CRB1: variants seen among roughly 807,000 people sequenced by gnomAD.
The protein encoded by CRB1 is protein crumbs homolog 1.
A neutral mutation model predicts 120.0 loss-of-function variants in CRB1; 83 were observed. The observed-to-expected ratio is 0.69, with a 90% CI of 0.58 to 0.83. The LOEUF is 0.83. CRB1 is among the 40% of genes least tolerant of loss of function. CRB1 has a pLI of 0.00. For synonymous variants in CRB1, 625 were observed against 612.5 expected (o/e 1.02, Z -0.30); for missense variants, 1,699 against 1,687.6 (o/e 1.01, Z -0.12).
At chr1:197,455,336 T>G (rs1666219498) in intron 11 of CRB1, among the ~76,000 whole-genome samples, 1 of 152,148 alleles carries the variant, frequency 6.6e-6, no homozygotes, top group African/African-American at 2.4e-5. Flanking sequence ...TTACCAATTT[T>G]CTTGAATTAT....
At chr1:197,261,805 A>T in the CRB1 span, among the ~76,000 whole-genome samples, 1 of 152,196 alleles carries the variant, frequency 6.6e-6, no homozygotes, top group Non-Finnish European at 1.5e-5. Flanking sequence ...TTGGGTGTGA[A>T]TCTGAACAGC....
intron 11 of CRB1, chr1:197,447,370 A>G (rs999372790): frequency 1.3e-5 from 2 of 152,218 alleles, no homozygotes; most frequent in African/African-American, 4.8e-5. Context: ...GATGGATGTT[A>G]CCATTTTATA....
chr1:197,290,305 T>TGTGTGTGTGTG (rs1571775751), intron 1 of CRB1, among the ~76,000 whole-genome samples: 12 of 149,352 alleles, frequency 8.0e-5, no homozygotes, highest in African/African-American at 2.2e-4. Context: ...TGTGTGTGTG[T>TGTGTGTGTGTG]TTGAAGAGAA....
At chr1:197,462,233 ACTGTATTACCATC>A (rs1392869171) in intron 11 of CRB1, among the ~76,000 whole-genome samples, 1 of 152,164 alleles carries the variant, frequency 6.6e-6, no homozygotes, top group Non-Finnish European at 1.5e-5. Context: ...TTTATGGATG[ACTGTATTACCATC>A]CTCATCAATT....
chr1:197,303,320 C>T (rs2125257673), intron 1 of CRB1, among the ~76,000 whole-genome samples: 1 of 119,886 alleles, frequency 8.3e-6, no homozygotes. Flanking sequence ...GTGTGATGTT[C>T]CCCTTCCTGT....
chr1:197,325,021 A>G (rs1353305899), intron 1 of CRB1, among the ~76,000 whole-genome samples: 3 of 152,212 alleles, frequency 2.0e-5, no homozygotes, highest in African/African-American at 7.2e-5. Flanking sequence ...TTAACCAATC[A>G]TTTGTTCTGC....
At chr1:197,247,751 GAATAGCTAGCATCT>G in the CRB1 span, among the ~76,000 whole-genome samples, 1 of 152,000 alleles carries the variant, frequency 6.6e-6, no homozygotes, top group Non-Finnish European at 1.5e-5. Context: ...TTCCCCCAGA[GAATAGCTAGCATCT>G]TATCTGAATC....
rs1013396657 is a variant in CRB1, at chr1:197,356,853, G to A, written c.1011G>A (p.Glu337=). Residue 337 remains glutamate, a synonymous_variant, in exon 5 of 12, where the codon GAG becomes GAA. Coordinates refer to ENST00000367400, the MANE Select transcript of CRB1 (RefSeq NM_201253.3). The part of the protein sequence containing the change: ...CWPGYTGAQC[E]IDLNECNSNP... The stretch of plus-strand genomic sequence containing the variant: ...CAGGATACACAGGTGCCCAGTGTGA[G>A]ATCGACCTCAATGAATGCAATAGTA... The A allele has an allele frequency of 6.2e-7, 1 of 1,614,214 alleles. No homozygotes were observed. Among genetic ancestry groups the A allele is most frequent in the Non-Finnish European group, 8.5e-7 (1 of 1,180,036 alleles).
In CRB1 at chr1:197,444,013, T is replaced by C. The variant is rs74620521; in HGVS notation, c.4005+1721T>C. ...TTTTGTAAATATACGTCTATGACTT[T>C]AGGAGCTGTCCTGGTTTGAAAACAT... On this transcript the variant is annotated intron_variant, in intron 11 of 11. Transcript: ENST00000367400. The C allele has an allele frequency of 5.7e-3, 865 of 152,292 alleles. 11 individuals are homozygous for C. Among genetic ancestry groups the C allele is most frequent in the African/African-American group, 0.019 (809 of 41,576 alleles). The allele number at this position is 152,292 out of a possible 1,614,324, so 9.4% of individuals were successfully genotyped here.
intron 1 of CRB1, among the ~76,000 whole-genome samples, chr1:197,317,074 C>T (rs141123338): frequency 8.1e-4 from 123 of 152,220 alleles, no homozygotes; most frequent in African/African-American, 2.9e-3. Context: ...TTAAAATGTC[C>T]GTACAATGTA....
rs11288525 is a variant in CRB1, at chr1:197,450,957, C to CAA, written c.4005+8688_4005+8689dup. On this transcript the variant is annotated intron_variant, in intron 11 of 11. Coordinates refer to ENST00000367400, the MANE Select transcript of CRB1 (RefSeq NM_201253.3). ...CCTGGAAGACAGCGAGACTCCGTCC[C>CAA]AAAAAAAAAAAAAAAAAAAAAAAAG... Among the ~76,000 whole-genome samples, 517 of 56,542 alleles carry CAA rather than the reference C, an allele frequency of 9.1e-3. 6 individuals are homozygous for CAA. Among genetic ancestry groups the CAA allele is most frequent in the Middle Eastern group, 0.02 (1 of 50 alleles). 37.1% of individuals were successfully genotyped at this position (56,542 alleles called of 152,430 possible).
intron 5 of CRB1, among the ~76,000 whole-genome samples, chr1:197,384,346 G>GA (rs1488319431): frequency 6.6e-6 from 1 of 152,098 alleles, no homozygotes; most frequent in Non-Finnish European, 1.5e-5. Flanking sequence ...CTATTACCTG[G>GA]AAAGAATGAT....
At chr1:197,453,299 AT>A (rs1666058602) in intron 11 of CRB1, among the ~76,000 whole-genome samples, 1 of 26,176 alleles carries the variant, frequency 3.8e-5, no homozygotes, top group Non-Finnish European at 2.0e-4. Context: ...AAATTAGTAT[AT>A]AAGTATATAT....
intron 5 of CRB1, among the ~76,000 whole-genome samples, chr1:197,418,357 G>A (rs1307619448): frequency 6.6e-6 from 1 of 152,108 alleles, no homozygotes; most frequent in Non-Finnish European, 1.5e-5. Context: ...CAGGATAATT[G>A]TATAACAAAT....
intron 1 of CRB1, among the ~76,000 whole-genome samples, chr1:197,297,471 G>A (rs969489314): frequency 6.6e-6 from 1 of 152,184 alleles, no homozygotes; most frequent in East Asian, 1.9e-4. Context: ...TCTAGCTGAG[G>A]TATGGAGTAT....
At chr1:197,426,981 G>A (rs1461162660) in intron 6 of CRB1, among the ~76,000 whole-genome samples, 1 of 152,170 alleles carries the variant, frequency 6.6e-6, no homozygotes, top group Non-Finnish European at 1.5e-5. Flanking sequence ...TTAATGACAT[G>A]TTTGCTTCAG....
chr1:197,405,224 C>T lies in CRB1; in HGVS notation c.1172-15776C>T, dbSNP rs541420964. Among the ~76,000 whole-genome samples the T allele has an allele frequency of 7.3e-4, 111 of 152,284 alleles. 4 individuals carry two copies. In the South Asian group the frequency reaches 0.02, roughly 27 times the overall value. ...CCGAGTGCCTGCGATTGCAGGCGCG[C>T]GCCGCCACGCCTGACTGGTTTTCTT... On this transcript the variant is annotated intron_variant, in intron 5 of 11. Transcript: ENST00000367400.
chr1:197,271,043 T>G (rs1337084178), intron 1 of CRB1, among the ~76,000 whole-genome samples: 1 of 151,790 alleles, frequency 6.6e-6, no homozygotes. Flanking sequence ...CACAAAAATA[T>G]AAAAAATTAA....
At chr1:197,366,368 T>C (rs1433242330) in intron 5 of CRB1, among the ~76,000 whole-genome samples, 1 of 152,158 alleles carries the variant, frequency 6.6e-6, no homozygotes, top group Non-Finnish European at 1.5e-5. Context: ...AAAATGTATT[T>C]GTGCATAGTA....
Sources: gnomAD v4.1 joint callset for allele counts (sites outside exome capture counted in the v4.1 genomes callset) on GRCh38, gnomAD v4.1.1 for gene constraint, MANE v1.5 for transcripts, NCBI Gene and HGNC (gene_info 2026-07-23, HGNC 2026-07-21) for gene names.